The following CCDC169 variants were observed in gnomAD, a reference collection of about 807,000 sequenced individuals.
The protein encoded by CCDC169 is coiled-coil domain containing 169, also known as coiled-coil domain-containing protein 169.
Under a neutral mutation model 36.0 loss-of-function variants are expected in CCDC169, and 30 were observed. That is an observed-to-expected ratio of 0.83 (90% CI 0.62 to 1.13). The LOEUF is 1.13. Ranked by LOEUF, CCDC169 falls within the 50% of genes most tolerant of loss-of-function variation. The probability of loss-of-function intolerance (pLI) is 0.00; values close to 1 mark genes in which losing one functional copy is unlikely to be tolerated. For missense variants in CCDC169, 245 were observed against 245.9 expected, an observed-to-expected ratio of 1.00 and a Z score of 0.03; for synonymous variants, 85 against 81.5, an observed-to-expected ratio of 1.04 and a Z score of -0.23.
intron 4 of CCDC169, among the ~76,000 whole-genome samples, chr13:36,260,028 G>A (rs1370281848): frequency 6.6e-6 from 1 of 152,228 alleles, no homozygotes; most frequent in Admixed American, 6.5e-5. Context: ...CCCTCTCCAT[G>A]CCTCTGGGAG....
chr13:36,294,146 T>C (rs1266609529), intron 2 of CCDC169, among the ~76,000 whole-genome samples: 1 of 152,194 alleles, frequency 6.6e-6, no homozygotes, highest in Non-Finnish European at 1.5e-5. Flanking sequence ...GGCCTTACTT[T>C]TGGCCCACTA....
chr13:36,241,727 T>A (rs1358743528), intron 7 of CCDC169, among the ~76,000 whole-genome samples: 1 of 131,204 alleles, frequency 7.6e-6, no homozygotes, highest in African/African-American at 2.6e-5. Flanking sequence ...CCATTCTATT[T>A]GATATATTAC....
In CCDC169 at chr13:36,296,255, C is replaced by T. The variant is rs747796243; in HGVS notation, c.84-398G>A. ...TACAGGCATGCGCCACCAAGCCCTG[C>T]TAATTTTTTTGTATTTTTAGAAGAG... is the stretch of plus-strand genomic sequence containing the variant. On this transcript the variant is annotated intron_variant, in intron 1 of 7. Transcript: ENST00000239859. Among the ~76,000 whole-genome samples the T allele has an allele frequency of 3.8e-4, 58 of 152,146 alleles. 1 individual carries two copies. Among genetic ancestry groups the T allele is most frequent in the Non-Finnish European group, 8.1e-4 (55 of 68,026 alleles).
At chr13:36,268,708 T>C (rs1026949976) in intron 4 of CCDC169, among the ~76,000 whole-genome samples, 12 of 151,898 alleles carry the variant, frequency 7.9e-5, no homozygotes, top group South Asian at 2.1e-4. Context: ...ATAAACAAAA[T>C]AGAACATTAG....
rs532579432 is a variant in CCDC169, at chr13:36,264,443, G to C, written c.316-10300C>G. On this transcript the variant is annotated intron_variant, in intron 4 of 7. Coordinates refer to ENST00000239859, the MANE Select transcript of CCDC169 (RefSeq NM_001144981.3). Reference sequence around the variant, plus strand: ...TGAGCAATAAATAAAAAAAAAAGTAGGATACCTAGGGAAGGACCTGGATAA... The same window carrying C: ...TGAGCAATAAATAAAAAAAAAAGTACGATACCTAGGGAAGGACCTGGATAA... Among the ~76,000 whole-genome samples the C allele has an allele frequency of 1.3e-3, 192 of 152,110 alleles. 2 individuals carry two copies. The South Asian group carries it at 0.016, about 13-fold the overall frequency.
chr13:36,280,981 C>G (rs1185047480), intron 4 of CCDC169: 1 of 220,508 alleles, frequency 4.5e-6, no homozygotes, highest in Non-Finnish European at 9.1e-6. Flanking sequence ...AGTTCTAACT[C>G]CCAATGAAAT....
chr13:36,229,836 C>A (rs1312610112), downstream of CCDC169, among the ~76,000 whole-genome samples: 1 of 151,956 alleles, frequency 6.6e-6, no homozygotes, highest in Non-Finnish European at 1.5e-5. Context: ...AGCCACCACA[C>A]CTGGCCTATA....
chr13:36,233,755 T>C (rs1593989076), intron 7 of CCDC169, among the ~76,000 whole-genome samples: 1 of 152,326 alleles, frequency 6.6e-6, no homozygotes, highest in East Asian at 1.9e-4. Context: ...ATCGTCTGGT[T>C]TGAGCAAGAG....
Position 36,261,801 on chromosome 13 carries a change from C to CACTGGGCAGTT in CCDC169, c.316-7659_316-7658insAACTGCCCAGT, listed in dbSNP as rs570348706. On this transcript the variant is annotated intron_variant, in intron 4 of 7. Transcript: ENST00000239859. ...GATTAGACTTGCCTCCAGAGCCTGC[C>CACTGGGCAGTT]CTGTGATCACAGAACTGAACATTAG... Among the ~76,000 whole-genome samples the CACTGGGCAGTT allele has an allele frequency of 4.9e-4, 74 of 152,264 alleles. 1 individual carries two copies. In the East Asian group the frequency reaches 0.013, roughly 27 times the overall value.
intron 4 of CCDC169, among the ~76,000 whole-genome samples, chr13:36,272,535 T>A (rs748422554): frequency 2.6e-5 from 4 of 152,292 alleles, no homozygotes; most frequent in Non-Finnish European, 4.4e-5. Context: ...TCTATTTTTT[T>A]AAATTATTTT....
At chr13:36,243,920 C>T (rs55981518) in intron 7 of CCDC169, among the ~76,000 whole-genome samples, 33,396 of 152,134 alleles carry the variant, frequency 0.22, 4,024 homozygotes, top group East Asian at 0.42. Flanking sequence ...AAACTGCCCT[C>T]GTAGACCTAC....
intron 2 of CCDC169, among the ~76,000 whole-genome samples, chr13:36,293,745 G>T (rs1879171720): frequency 6.6e-6 from 1 of 152,168 alleles, no homozygotes; most frequent in Admixed American, 6.5e-5. Context: ...ATCACGGAAT[G>T]ACCAGCTCAC....
At chr13:36,278,890 A>G (rs1260339243) in intron 4 of CCDC169, among the ~76,000 whole-genome samples, 2 of 152,216 alleles carry the variant, frequency 1.3e-5, no homozygotes, top group African/African-American at 4.8e-5. Context: ...ATACACACAA[A>G]CAAAACTAAA....
chr13:36,295,789 G>C lies in CCDC169; in HGVS notation c.152C>G (p.Thr51Ser). 6.6e-7 allele frequency: 1 copy of C among 1,520,012 alleles called. No homozygotes were observed. Among genetic ancestry groups the C allele is most frequent in the Non-Finnish European group, 8.9e-7 (1 of 1,119,754 alleles). 94.2% of individuals were successfully genotyped at this position (1,520,012 alleles called of 1,614,324 possible). Residue 51 changes from threonine (T) to serine (S), a missense_variant, in exon 2 of 8, where the codon ACT (threonine) becomes AGT (serine). By Grantham distance (58) the Thr-to-Ser change is moderately conservative. Coordinates refer to ENST00000239859, the MANE Select transcript of CCDC169 (RefSeq NM_001144981.3). ...KITELEAKLN[T>S]DNEGSEWKTR... ...ATTTACTTATATACCTTCATTGTCA[G>C]TATTGAGTTTGGCTTCCAGTTCCGT...
chr13:36,270,025 TAA>T (rs1875825944), intron 4 of CCDC169, among the ~76,000 whole-genome samples: 1 of 152,194 alleles, frequency 6.6e-6, no homozygotes, highest in African/African-American at 2.4e-5. Flanking sequence ...TAGAAAATCC[TAA>T]AGACTCCTCC....
At chr13:36,257,626 G>C (rs2007697) in intron 4 of CCDC169, among the ~76,000 whole-genome samples, 61,247 of 151,370 alleles carry the variant, frequency 0.4, 13,193 homozygotes, top group Non-Finnish European at 0.48. Context: ...TCGCTTGAAC[G>C]CGGGAGGCGG....
chr13:36,280,500 GAACAT>G (rs1428770597), intron 4 of CCDC169: 4 of 150,586 alleles, frequency 2.7e-5, no homozygotes, highest in African/African-American at 9.8e-5. Context: ...CACATGAAGA[GAACAT>G]AACATATGAA....
At chr13:36,296,747 C>A (rs982104920) in intron 1 of CCDC169, among the ~76,000 whole-genome samples, 1 of 152,166 alleles carries the variant, frequency 6.6e-6, no homozygotes, top group Non-Finnish European at 1.5e-5. Context: ...GTATCACAAG[C>A]CAATGCTAAG....
Position 36,276,017 on chromosome 13 carries a change from C to G in CCDC169, c.315+7452G>C, listed in dbSNP as rs949125823. On this transcript the variant is annotated intron_variant, in intron 4 of 7. Transcript: ENST00000239859. ...GTTTAAAAGAACTAAGACTTAAAAC[C>G]ATCTCTTTCTTCAGGCTTCTCTTGC... 4.6e-5 allele frequency among the ~76,000 whole-genome samples: 7 copies of G among 152,110 alleles called. No homozygotes were observed. In the East Asian group the frequency reaches 1.4e-3, roughly 29 times the overall value.
Sources: gnomAD v4.1 joint callset for allele counts (sites outside exome capture counted in the v4.1 genomes callset) on GRCh38, gnomAD v4.1.1 for gene constraint, MANE v1.5 for transcripts, NCBI Gene and HGNC (gene_info 2026-07-23, HGNC 2026-07-21) for gene names.